UGT2B4: variants seen among roughly 807,000 people sequenced by gnomAD.
UGT2B4 encodes the protein UDP glucuronosyltransferase family 2 member B4, also known as UDP-glucuronosyltransferase 2B4.
In UGT2B4, 49 loss-of-function variants were observed where a neutral mutation model predicts 49.8. The observed-to-expected ratio is 0.98, with a 90% confidence interval of 0.78 to 1.25. UGT2B4 has a LOEUF of 1.25. Ranked by LOEUF, UGT2B4 falls within the 50% of genes most tolerant of loss-of-function variation. The pLI is 0.00. For missense variants in UGT2B4, 729 were observed against 627.7 expected (o/e 1.16, Z -1.73); for synonymous variants, 246 against 217.7 (o/e 1.13, Z -1.14).
intron 1 of UGT2B4, among the ~76,000 whole-genome samples, chr4:69,509,970 G>A (rs1577900254): frequency 6.6e-6 from 1 of 152,200 alleles, no homozygotes; most frequent in East Asian, 1.9e-4. Context: ...TTTCTTCTGG[G>A]AAGTCTATAG....
At chr4:69,523,283 T>A (rs1728886567) in intron 1 of UGT2B4, among the ~76,000 whole-genome samples, 1 of 151,942 alleles carries the variant, frequency 6.6e-6, no homozygotes, top group Non-Finnish European at 1.5e-5. Flanking sequence ...GGAATTACAA[T>A]TTAAGATAGC....
rs536259316 is a variant in UGT2B4 at position 69,509,232 on chromosome 4, C to T, written c.-105-13266G>A. Among the ~76,000 whole-genome samples, 29 of 135,606 alleles carry T rather than the reference C, an allele frequency of 2.1e-4. No homozygotes were observed. In the East Asian group the frequency reaches 4.7e-3, roughly 22 times the overall value. The allele number at this position is 135,606 out of a possible 152,430, so 89.0% of individuals were successfully genotyped here. A position where few individuals can be genotyped will look rare whatever the true frequency, so the allele number is the denominator to read the frequency against. ...GCTACCCAGACTGGCAATGCAGTGG[C>T]AGGATCTCGGCTCACTGCAACCTCC... On this transcript the variant is annotated intron_variant, in intron 1 of 1. Coordinates refer to the UGT2B4 transcript ENST00000510114.
upstream of UGT2B4, among the ~76,000 whole-genome samples, chr4:69,499,375 C>T (rs952537061): frequency 2.6e-5 from 4 of 152,098 alleles, no homozygotes; most frequent in African/African-American, 9.7e-5. Context: ...ATATCTGTCA[C>T]GTCCACTTGA....
intron 5 of UGT2B4, among the ~76,000 whole-genome samples, chr4:69,482,623 T>A (rs557286219): frequency 6.6e-6 from 1 of 152,250 alleles, no homozygotes; most frequent in African/African-American, 2.4e-5. Context: ...TTTCCTTTTT[T>A]TGAGATGGAG....
At chr4:69,500,662 A>AAAGAAAGAAAGG (rs1728294727), upstream of UGT2B4, among the ~76,000 whole-genome samples, 1 of 115,270 alleles carries the variant, frequency 8.7e-6, no homozygotes, top group Non-Finnish European at 2.2e-5. Flanking sequence ...AGAAAGAAAG[A>AAAGAAAGAAAGG]AAGAAAGGAA....
chr4:69,514,444 C>A (rs1049354521), intron 1 of UGT2B4, among the ~76,000 whole-genome samples: 1 of 152,062 alleles, frequency 6.6e-6, no homozygotes, highest in Non-Finnish European at 1.5e-5. Context: ...ATTGGAATAC[C>A]TTTTATTTCT....
intron 2 of UGT2B4, among the ~76,000 whole-genome samples, chr4:69,489,853 C>T (rs886303403): frequency 6.6e-6 from 1 of 151,754 alleles, no homozygotes; most frequent in African/African-American, 2.4e-5. Flanking sequence ...GAGGAGATAC[C>T]CAAACTCTTC....
At chr4:69,492,917 G>A (rs966754193) in intron 2 of UGT2B4, among the ~76,000 whole-genome samples, 6 of 151,928 alleles carry the variant, frequency 3.9e-5, no homozygotes, top group Non-Finnish European at 8.8e-5. Context: ...TTAATCCATC[G>A]AACATCTTGG....
chr4:69,511,565 A>T (rs1433284012), intron 1 of UGT2B4, among the ~76,000 whole-genome samples: 5 of 152,062 alleles, frequency 3.3e-5, no homozygotes, highest in Non-Finnish European at 7.4e-5. Flanking sequence ...TTTTCTGTTG[A>T]GGAATTTTTC....
In UGT2B4 at chr4:69,495,608, T is replaced by A. The variant is rs778962190; in HGVS notation, c.254A>T (p.Glu85Val). ...CAGCTGCTTGATAATATCCTCAAAC[T>A]CAGTTTTAGTTAAAGATACAGGATA... Reference protein sequence around the residue: ...EVYPVSLTKTEFEDIIKQLVK... With the variant: ...EVYPVSLTKTVFEDIIKQLVK... Residue 85 changes from glutamate (E) to valine (V), a missense_variant, in exon 1 of 6, where the codon GAG becomes GTG. By Grantham distance (121) the Glu-to-Val change is moderately radical. Coordinates refer to ENST00000305107, the MANE Select transcript of UGT2B4 (RefSeq NM_021139.3). The A allele has an allele frequency of 6.2e-7, 1 of 1,613,968 alleles. No homozygotes were observed. Among genetic ancestry groups the A allele is most frequent in the South Asian group, 1.1e-5 (1 of 91,070 alleles).
chr4:69,508,414 C>A (rs1728526445), intron 1 of UGT2B4, among the ~76,000 whole-genome samples: 1 of 152,084 alleles, frequency 6.6e-6, no homozygotes, highest in African/African-American at 2.4e-5. Flanking sequence ...ATGTTTATTG[C>A]AGCACTGTTC....
chr4:69,485,504 A>C (rs915060001), intron 4 of UGT2B4, 77 bp from the exon 5 acceptor site: 5 of 1,579,100 alleles, frequency 3.2e-6, no homozygotes, highest in Non-Finnish European at 4.3e-6. Context: ...TCTGAATGTG[A>C]CGGTGTTTCC....
chr4:69,489,064 C>T (rs763227865), intron 3 of UGT2B4, among the ~76,000 whole-genome samples: 11 of 152,094 alleles, frequency 7.2e-5, no homozygotes, highest in African/African-American at 1.9e-4. Context: ...TAAAATGTAA[C>T]GTTTTCTAAC....
At chr4:69,492,607 A>G (rs1728023387) in intron 2 of UGT2B4, among the ~76,000 whole-genome samples, 1 of 152,144 alleles carries the variant, frequency 6.6e-6, no homozygotes, top group Non-Finnish European at 1.5e-5. Flanking sequence ...CTATTAAATG[A>G]GGAATAATAT....
At chr4:69,502,920 A>G (rs892075671) in intron 1 of UGT2B4, among the ~76,000 whole-genome samples, 1 of 152,128 alleles carries the variant, frequency 6.6e-6, no homozygotes, top group Non-Finnish European at 1.5e-5. Flanking sequence ...GCTTGGGCCC[A>G]CAGAACAGCG....
At position 69,524,110 on chromosome 4, in the gene UGT2B4, C is replaced by T. The variant is rs6854972; in HGVS notation, c.-106+1577G>A. Among the ~76,000 whole-genome samples, 10 of 111,250 alleles carry T rather than the reference C, an allele frequency of 9.0e-5. No individual in the cohort carries two copies. In the South Asian group the frequency reaches 1.7e-3, roughly 19 times the overall value. 73.0% of individuals were successfully genotyped at this position (111,250 alleles called of 152,430 possible). On this transcript the variant is annotated intron_variant, in intron 1 of 1. Coordinates refer to the UGT2B4 transcript ENST00000510114. ...CTAGATTAAATTTTCTTCACGTCAG[C>T]GATAATGCAGATTAACTTCTTGCCA... is the stretch of plus-strand genomic sequence containing the variant.
intron 1 of UGT2B4, among the ~76,000 whole-genome samples, chr4:69,505,411 C>G (rs1052685866): frequency 2.0e-5 from 3 of 151,858 alleles, no homozygotes; most frequent in African/African-American, 7.3e-5. Context: ...AGAAAAAAAC[C>G]ATATATTTCA....
chr4:69,507,418 A>G (rs1014205410), intron 1 of UGT2B4, among the ~76,000 whole-genome samples: 3 of 152,202 alleles, frequency 2.0e-5, no homozygotes, highest in Admixed American at 2.0e-4. Context: ...ATTTTTATGC[A>G]CCAGCAAGAG....
At chr4:69,515,850 T>A (rs989680737) in intron 1 of UGT2B4, among the ~76,000 whole-genome samples, 1 of 152,112 alleles carries the variant, frequency 6.6e-6, no homozygotes, top group Non-Finnish European at 1.5e-5. Flanking sequence ...TTACTGGAGA[T>A]AATTTAAAAC....
Sources: gnomAD v4.1 joint callset for allele counts (sites outside exome capture counted in the v4.1 genomes callset) on GRCh38, gnomAD v4.1.1 for gene constraint, MANE v1.5 for transcripts, NCBI Gene and HGNC (gene_info 2026-07-23, HGNC 2026-07-21) for gene names.